CLASP2: variants seen among roughly 807,000 people sequenced by gnomAD.
CLASP2 encodes cytoplasmic linker associated protein 2.
Under a neutral mutation model 194.4 loss-of-function variants are expected in CLASP2, and 47 were observed. The observed-to-expected ratio is 0.24, with a 90% CI of 0.19 to 0.31. The LOEUF (loss-of-function observed/expected upper bound fraction) is 0.31, where lower values mean the gene tolerates loss of function less well. CLASP2 is among the 10% of genes least tolerant of loss of function. The pLI, the probability that CLASP2 is intolerant of heterozygous loss-of-function variation, is 1.00. For synonymous variants in CLASP2, 619 were observed against 633.5 expected, an observed-to-expected ratio of 0.98 and a Z score of 0.34; for missense variants, 1,445 against 1,823.6, an observed-to-expected ratio of 0.79 and a Z score of 3.78.
intron 8 of CLASP2, 150 bp from the exon 9 acceptor site, chr3:33,632,521 C>T (rs1195840922): frequency 1.9e-5 from 12 of 632,742 alleles, no homozygotes; most frequent in South Asian, 6.8e-5. Flanking sequence ...AAAAAATCTC[C>T]AACTTTCAGA....
At chr3:33,570,904 G>A in intron 25 of CLASP2, 114 bp from the exon 26 acceptor site, 1 of 927,588 alleles carries the variant, frequency 1.1e-6, no homozygotes, top group African/African-American at 1.7e-5. Context: ...GGTTGGGCAT[G>A]GTGGCTCACG....
rs567203895 is a variant in CLASP2 at position 33,648,793 on chromosome 3, G to C, written c.716-3890C>G. ...TAATAGACACTGATTTTTATATGTG[G>C]ATTGGAAGCTTCTTAAGGAGAAGAA... On this transcript the variant is annotated intron_variant, in intron 7 of 38. Transcript: ENST00000682230. Among the ~76,000 whole-genome samples, 5 of 152,242 alleles carry C rather than the reference G, an allele frequency of 3.3e-5. No individual in the cohort carries two copies. In the East Asian group the frequency reaches 9.7e-4, roughly 29 times the overall value.
intron 34 of CLASP2, among the ~76,000 whole-genome samples, chr3:33,527,313 C>T (rs1216462598): frequency 1.3e-5 from 2 of 152,060 alleles, no homozygotes; most frequent in Non-Finnish European, 1.5e-5. Flanking sequence ...GAAATAAAAA[C>T]CATCAGAAAC....
At chr3:33,684,076 T>C (rs9311023) in intron 6 of CLASP2, among the ~76,000 whole-genome samples, 387 of 151,462 alleles carry the variant, frequency 2.6e-3, no homozygotes, top group African/African-American at 9.1e-3. Flanking sequence ...AAACCCCGTC[T>C]CTACTAAAAA....
intron 16 of CLASP2, 67 bp from the exon 17 acceptor site, chr3:33,604,276 A>T: frequency 1.0e-6 from 1 of 990,980 alleles, no homozygotes; most frequent in Non-Finnish European, 1.5e-6. Flanking sequence ...AAACCAATAA[A>T]ATACTACTGA....
At chr3:33,645,054 T>C in intron 7 of CLASP2, 151 bp from the exon 8 acceptor site, 1 of 782,574 alleles carries the variant, frequency 1.3e-6, no homozygotes, top group Non-Finnish European at 2.1e-6. Context: ...AGCATTTATA[T>C]ATTGGCTAAC....
At chr3:33,689,622 T>TAA in intron 3 of CLASP2, 2 of 410,630 alleles carry the variant, frequency 4.9e-6, no homozygotes, top group Non-Finnish European at 8.6e-6. Flanking sequence ...TAGTTAGCTT[T>TAA]TAAAAAAAAA....
chr3:33,599,127 ATTT>A (rs2071310461), intron 18 of CLASP2, among the ~76,000 whole-genome samples: 2 of 151,670 alleles, frequency 1.3e-5, no homozygotes, highest in African/African-American at 4.8e-5. Context: ...TTATTTATTT[ATTT>A]ATTTTGGAGA....
chr3:33,571,352 G>A (rs2063734216), intron 25 of CLASP2, among the ~76,000 whole-genome samples: 1 of 151,788 alleles, frequency 6.6e-6, no homozygotes, highest in Non-Finnish European at 1.5e-5. Flanking sequence ...GCAATGGTCG[G>A]GCACGGTGGT....
At chr3:33,646,325 T>C (rs543579903) in intron 7 of CLASP2, among the ~76,000 whole-genome samples, 1 of 151,962 alleles carries the variant, frequency 6.6e-6, no homozygotes, top group Non-Finnish European at 1.5e-5. Context: ...CACATTCTAT[T>C]TCAGAAAGTG....
Position 33,581,982 on chromosome 3 carries a change from TG to T in CLASP2, c.2240-55del, listed in dbSNP as rs1247845633. 3.0e-6 allele frequency: 4 copies of T among 1,313,378 alleles called. No individual in the cohort carries two copies. The Admixed American group carries it at 5.9e-5, about 19-fold the overall frequency. 81.4% of individuals were successfully genotyped at this position (1,313,378 alleles called of 1,614,324 possible). Reference sequence around the variant, plus strand: ...GTAAGGGAGAAAACAGAACAGAGTTTGCATTTTAAAAAATTTTGTTTTTTTC... The same window carrying T: ...GTAAGGGAGAAAACAGAACAGAGTTTCATTTTAAAAAATTTTGTTTTTTTC... On this transcript the variant is annotated intron_variant, in intron 22 of 38. Transcript: ENST00000682230.
intron 34 of CLASP2, among the ~76,000 whole-genome samples, chr3:33,534,281 G>A (rs1013533708): frequency 6.6e-6 from 1 of 151,994 alleles, no homozygotes; most frequent in African/African-American, 2.4e-5. Context: ...AAATAACTAG[G>A]ACAGGCACAG....
intron 37 of CLASP2, among the ~76,000 whole-genome samples, chr3:33,507,322 G>C (rs868354286): frequency 1.3e-5 from 2 of 152,106 alleles, no homozygotes; most frequent in African/African-American, 4.8e-5. Flanking sequence ...AAAGAAATTT[G>C]GCAGTTTTCC....
At chr3:33,708,985 C>T (rs2092867181) in intron 1 of CLASP2, among the ~76,000 whole-genome samples, 1 of 152,198 alleles carries the variant, frequency 6.6e-6, no homozygotes, top group African/African-American at 2.4e-5. Context: ...AGATGAGCAT[C>T]TCATACGTTT....
intron 7 of CLASP2, among the ~76,000 whole-genome samples, chr3:33,653,644 T>A (rs555773178): frequency 1.3e-5 from 2 of 152,312 alleles, no homozygotes; most frequent in African/African-American, 4.8e-5. Flanking sequence ...AGACACTTTA[T>A]TTGATATACA....
At position 33,614,255 on chromosome 3, in the gene CLASP2, C is replaced by T. The variant is rs113304177; in HGVS notation, c.1318-2184G>A. Among the ~76,000 whole-genome samples the T allele has an allele frequency of 6.6e-3, 1,005 of 152,102 alleles. 10 individuals carry two copies. Among genetic ancestry groups the T allele is most frequent in the African/African-American group, 0.022 (912 of 41,500 alleles). ...AAGCCTGAGAATCACAAAATGGGTACTTTCAAATAAGTAGAATTTAAAGGA... is the reference window on the plus strand; with the variant it reads ...AAGCCTGAGAATCACAAAATGGGTATTTTCAAATAAGTAGAATTTAAAGGA... On this transcript the variant is annotated intron_variant, in intron 12 of 38. Coordinates refer to ENST00000682230, the MANE Select transcript of CLASP2 (RefSeq NM_001365631.1).
chr3:33,559,447 A>C, intron 28 of CLASP2, 62 bp from the exon 29 acceptor site: 1 of 891,112 alleles, frequency 1.1e-6, no homozygotes, highest in Admixed American at 2.2e-5. Flanking sequence ...ATGTAACAGC[A>C]AAAGACTATG....
In CLASP2 at chr3:33,606,571, C is replaced by T. The variant is rs762278437; in HGVS notation, c.1694+20G>A. On this transcript the variant is annotated intron_variant, in intron 16 of 38. Transcript: ENST00000682230. ...TTGAGGAGAGGAAGAGACTAGTAAT[C>T]ATTATTTATATGACCTTACTTGAGA... 2 of 1,598,318 alleles carry T rather than the reference C, an allele frequency of 1.3e-6. No individual in the cohort carries two copies. Among genetic ancestry groups the T allele is most frequent in the Admixed American group, 1.7e-5 (1 of 58,560 alleles).
At chr3:33,688,050 A>G (rs1332525054) in intron 4 of CLASP2, among the ~76,000 whole-genome samples, 1 of 152,254 alleles carries the variant, frequency 6.6e-6, no homozygotes, top group Non-Finnish European at 1.5e-5. Context: ...GCTACTATTA[A>G]CATACTAAAG....
Sources: allele counts gnomAD v4.1 joint callset (sites outside exome capture counted in the v4.1 genomes callset), GRCh38; gene constraint gnomAD v4.1.1; transcripts MANE v1.5; gene names NCBI Gene and HGNC (gene_info 2026-07-23, HGNC 2026-07-21).